Variants in SH3YL1 observed in about 807,000 individuals in gnomAD.
SH3YL1 encodes SH3 domain-containing YSC84-like protein 1.
SH3YL1 carries 41 observed loss-of-function variants against 45.8 expected under a neutral mutation model. The observed-to-expected ratio is 0.89, with a 90% CI of 0.70 to 1.16. The LOEUF (loss-of-function observed/expected upper bound fraction) is 1.16, where lower values mean the gene tolerates loss of function less well. Ranked by LOEUF, SH3YL1 falls within the 50% of genes most tolerant of loss-of-function variation. The pLI is 0.00. For synonymous variants in SH3YL1, 152 were observed against 151.4 expected (o/e 1.00, Z -0.03); for missense variants, 389 against 409.6 (o/e 0.95, Z 0.43).
At chr2:247,092 C>T (rs1269012888) in intron 4 of SH3YL1, among the ~76,000 whole-genome samples, 10 of 152,178 alleles carry the variant, frequency 6.6e-5, no homozygotes, top group South Asian at 2.1e-4. Flanking sequence ...ACTGAAATAA[C>T]GTGAAGTTCT....
intron 8 of SH3YL1, among the ~76,000 whole-genome samples, chr2:225,500 C>T (rs758498754): frequency 6.6e-6 from 1 of 152,194 alleles, no homozygotes; most frequent in Non-Finnish European, 1.5e-5. Context: ...TCTTAAGTGG[C>T]CTGTGCCCAC....
intron 9 of SH3YL1, among the ~76,000 whole-genome samples, chr2:219,637 GC>G (rs1667492480): frequency 6.6e-6 from 1 of 152,184 alleles, no homozygotes; most frequent in Non-Finnish European, 1.5e-5. Context: ...GCTGGAAGGG[GC>G]CAAGATAGTG....
chr2:224,144 AATAAACAGGCTATT>A, intron 9 of SH3YL1, among the ~76,000 whole-genome samples: 1 of 152,358 alleles, frequency 6.6e-6, no homozygotes, highest in Admixed American at 6.5e-5. Flanking sequence ...AATGTGAAAA[AATAAACAGGCTATT>A]TTATGATTGT....
At chr2:247,369 C>T (rs1482628564) in intron 4 of SH3YL1, among the ~76,000 whole-genome samples, 169 bp downstream of exon 4, 1 of 152,120 alleles carries the variant, frequency 6.6e-6, no homozygotes, top group Non-Finnish European at 1.5e-5. Flanking sequence ...TAAATGGGAA[C>T]CATCAGATAG....
At chr2:245,814 C>T (rs1028628493) in intron 4 of SH3YL1, among the ~76,000 whole-genome samples, 2 of 152,042 alleles carry the variant, frequency 1.3e-5, no homozygotes, top group African/African-American at 4.8e-5. Context: ...CTGTGCAGCG[C>T]ACCAGTCTTG....
At chr2:258,351 T>C (rs1286112773) in intron 1 of SH3YL1, among the ~76,000 whole-genome samples, 1 of 152,222 alleles carries the variant, frequency 6.6e-6, no homozygotes. Context: ...GTAATTCTTG[T>C]TGTAGAGATC....
rs35622134 is a variant in SH3YL1 at position 234,231 on chromosome 2, T to C, written c.333A>G (p.Val111=). ...GATTTCCGCCTTTTGCAAAAGCTTCTACAGCACGGTCATAATTCAGAATTA... is the reference window on the plus strand; with the variant it reads ...GATTTCCGCCTTTTGCAAAAGCTTCCACAGCACGGTCATAATTCAGAATTA... ...LVIILNYDRA[V]EAFAKGGNLT... The change falls in exon 5 of 10, where the codon GTA becomes GTG. Residue 111 remains valine (V), a synonymous_variant. Transcript: ENST00000356150. 4,684 of 1,614,158 alleles carry C rather than the reference T, an allele frequency of 2.9e-3. 18 individuals carry two copies. The highest frequency in any genetic ancestry group is 0.01 in the South Asian group (934 of 91,076).
rs1030328528 is a variant in SH3YL1, at chr2:231,103, C to G, written c.622G>C (p.Asp208His). The part of the protein sequence containing the change: ...AQAEDLYEIL[D>H]SFTEKYENEG... ...TTTTCATACTTTTCAGTAAAGGAAT[C>G]AAGAATTTCATAAAGATCTTCGGCT... Residue 208 changes from aspartate to histidine, a missense_variant, in exon 7 of 10, where the codon GAT becomes CAT. Asp to His is a moderately conservative substitution (Grantham distance 81). Transcript: ENST00000356150. The G allele has an allele frequency of 1.9e-6, 3 of 1,613,950 alleles. No individual in the cohort carries two copies. The highest frequency in any genetic ancestry group is 1.3e-5 in the African/African-American group (1 of 74,878).
chr2:248,485 G>A (rs1668933638), intron 3 of SH3YL1, among the ~76,000 whole-genome samples: 1 of 152,174 alleles, frequency 6.6e-6, no homozygotes, highest in Non-Finnish European at 1.5e-5. Flanking sequence ...CCAGGATCCT[G>A]GGGAACATGT....
intron 4 of SH3YL1, among the ~76,000 whole-genome samples, chr2:236,248 G>A (rs1050548371): frequency 6.7e-6 from 1 of 149,860 alleles, no homozygotes; most frequent in African/African-American, 2.5e-5. Flanking sequence ...GCAGCAGCAT[G>A]GGCCAGGGGA....
At chr2:233,644 G>C (rs1211450075) in intron 5 of SH3YL1, among the ~76,000 whole-genome samples, 1 of 152,072 alleles carries the variant, frequency 6.6e-6, no homozygotes, top group African/African-American at 2.4e-5. Flanking sequence ...ATTTTTAGAT[G>C]ATTTTACTGT....
At chr2:254,723 A>G (rs1309052709) in intron 1 of SH3YL1, among the ~76,000 whole-genome samples, 42 of 152,308 alleles carry the variant, frequency 2.8e-4, no homozygotes, top group Non-Finnish European at 7.3e-5. Flanking sequence ...AAGAAGCTAC[A>G]CACCTCCCTC....
chr2:242,170 T>C (rs1398130561), intron 4 of SH3YL1: 1 of 151,978 alleles, frequency 6.6e-6, no homozygotes. Context: ...TGACACCAGA[T>C]GGTAACCTGA....
intron 4 of SH3YL1, among the ~76,000 whole-genome samples, chr2:246,904 A>G (rs1668839308): frequency 6.6e-6 from 1 of 152,184 alleles, no homozygotes; most frequent in Non-Finnish European, 1.5e-5. Flanking sequence ...TTAGGAAGAA[A>G]TGGACTGAAA....
At chr2:257,520 GCCAATC>G (rs1243227238) in intron 1 of SH3YL1, among the ~76,000 whole-genome samples, 1 of 152,140 alleles carries the variant, frequency 6.6e-6, no homozygotes, top group Non-Finnish European at 1.5e-5. Flanking sequence ...CTCAGTCTTG[GCCAATC>G]CCAGCAGCCA....
rs548716821 is a variant in SH3YL1, at chr2:233,355, T to C, written c.405-126A>G. 1.1e-4 allele frequency: 122 copies of C among 1,092,418 alleles called. No homozygotes were observed. The African/African-American group carries it at 1.8e-3, about 16-fold the overall frequency. 67.7% of individuals were successfully genotyped at this position (1,092,418 alleles called of 1,614,324 possible). On this transcript the variant is annotated intron_variant, in intron 5 of 9. Transcript: ENST00000356150. The stretch of plus-strand genomic sequence containing the variant: ...TCTGTACCTTCTTCAGCTGTTTCTA[T>C]GTTTTACTTACTGTAGGCCTAAATT...
chr2:251,012 C>A (rs971880078), intron 2 of SH3YL1, among the ~76,000 whole-genome samples: 1 of 152,154 alleles, frequency 6.6e-6, no homozygotes, highest in African/African-American at 2.4e-5. Context: ...GTCTTCCTCA[C>A]ATTCTGTTCT....
intron 4 of SH3YL1, chr2:243,565 A>AT (rs1359308416): frequency 8.9e-6 from 13 of 1,467,766 alleles, no homozygotes; most frequent in East Asian, 8.2e-5. Flanking sequence ...AAATGTGTCT[A>AT]TTAAAAAAAA....
chr2:241,648 G>T (rs1668547547), intron 4 of SH3YL1: 1 of 152,046 alleles, frequency 6.6e-6, no homozygotes, highest in Non-Finnish European at 1.5e-5. Flanking sequence ...AAAGGAGCAA[G>T]AGAAAAATGA....
Sources: gnomAD v4.1 joint callset for allele counts (sites outside exome capture counted in the v4.1 genomes callset) on GRCh38, gnomAD v4.1.1 for gene constraint, MANE v1.5 for transcripts, NCBI Gene and HGNC (gene_info 2026-07-23, HGNC 2026-07-21) for gene names.